FAM135B: variants seen among roughly 807,000 people sequenced by gnomAD.
The protein encoded by FAM135B is protein FAM135B.
A neutral mutation model predicts 127.7 loss-of-function variants in FAM135B; 43 were observed. The ratio of observed to expected loss-of-function variants is 0.34; its 90% CI spans 0.26 to 0.43. The LOEUF (loss-of-function observed/expected upper bound fraction) is 0.43. Among genes scored for constraint, FAM135B ranks in the 20% least tolerant of loss-of-function variants. The probability of loss-of-function intolerance (pLI) is 1.00; values close to 1 mark genes in which losing one functional copy is unlikely to be tolerated. For missense variants in FAM135B, 1,558 were observed against 1,725.6 expected (o/e 0.90, Z 1.72); for synonymous variants, 670 against 665.1 (o/e 1.01, Z -0.11).
intron 11 of FAM135B, among the ~76,000 whole-genome samples, chr8:138,176,613 T>C (rs925141847): frequency 6.6e-6 from 1 of 152,220 alleles, no homozygotes; most frequent in Non-Finnish European, 1.5e-5. Flanking sequence ...AGGATTCTAA[T>C]GAGAAAGGTG....
At chr8:138,207,448 G>T (rs1481296061) in intron 7 of FAM135B, among the ~76,000 whole-genome samples, 1 of 151,988 alleles carries the variant, frequency 6.6e-6, no homozygotes, top group African/African-American at 2.4e-5. Flanking sequence ...GACCTCAAAT[G>T]ATCTGCCCAC....
In FAM135B at chr8:138,341,287, C is replaced by T. The variant is rs143423895; in HGVS notation, c.77+26620G>A. Among the ~76,000 whole-genome samples, 295 of 152,278 alleles carry T rather than the reference C, an allele frequency of 1.9e-3. 1 individual carries two copies. The highest frequency in any genetic ancestry group is 6.8e-3 in the Middle Eastern group (2 of 294). On this transcript the variant is annotated intron_variant, in intron 2 of 19. Coordinates refer to ENST00000395297, the MANE Select transcript of FAM135B (RefSeq NM_015912.4). The stretch of plus-strand genomic sequence containing the variant: ...TAAATTAACCTTGAGGACATTGTTG[C>T]CAAGCAAAATAAGCCAGTCACAAAA...
At chr8:138,225,173 A>G (rs936768516) in intron 7 of FAM135B, among the ~76,000 whole-genome samples, 6 of 152,232 alleles carry the variant, frequency 3.9e-5, no homozygotes. Flanking sequence ...TATACAAAGT[A>G]TACATAGATC....
chr8:138,148,691 AG>A lies in FAM135B; in HGVS notation c.3282-6del. The A allele has an allele frequency of 6.3e-7, 1 of 1,595,290 alleles. No individual in the cohort carries two copies. Among genetic ancestry groups the A allele is most frequent in the Non-Finnish European group, 8.6e-7 (1 of 1,167,990 alleles). On this transcript the variant is annotated splice_polypyrimidine_tract_variant and splice_region_variant and intron_variant, in intron 13 of 19. Coordinates refer to ENST00000395297, the MANE Select transcript of FAM135B (RefSeq NM_015912.4). ...TTTTCTTTGGCCTGATAAAAACTGG[AG>A]AATACACTAATTAATCACAAGCCAA...
chr8:138,334,148 C>G (rs1178702813), intron 2 of FAM135B, among the ~76,000 whole-genome samples: 1 of 152,132 alleles, frequency 6.6e-6, no homozygotes, highest in Non-Finnish European at 1.5e-5. Context: ...GTCTCAAACT[C>G]CTGACCTCAG....
chr8:138,361,883 C>T (rs1330840236), intron 2 of FAM135B, among the ~76,000 whole-genome samples: 2 of 152,294 alleles, frequency 1.3e-5, no homozygotes, highest in Admixed American at 6.5e-5. Flanking sequence ...TGCATTCCTC[C>T]TTCTCTGTTT....
intron 1 of FAM135B, chr8:138,441,904 A>C (rs2131548862): frequency 6.6e-6 from 1 of 152,094 alleles, no homozygotes; most frequent in East Asian, 1.9e-4. Flanking sequence ...ATAAATAATT[A>C]CAGAGCAAAA....
intron 2 of FAM135B, among the ~76,000 whole-genome samples, chr8:138,363,927 T>C (rs956778021): frequency 1.3e-5 from 2 of 152,112 alleles, no homozygotes; most frequent in African/African-American, 4.8e-5. Flanking sequence ...AAGGGTACTC[T>C]CCCTCTCTTG....
chr8:138,188,135 C>A (rs1815755107), intron 9 of FAM135B, among the ~76,000 whole-genome samples: 1 of 152,208 alleles, frequency 6.6e-6, no homozygotes. Flanking sequence ...TCCTTGCAAA[C>A]CTCGCCCTGT....
At chr8:138,491,156 A>AAAAG (rs896604594) in intron 1 of FAM135B, among the ~76,000 whole-genome samples, 31 of 147,076 alleles carry the variant, frequency 2.1e-4, no homozygotes, top group African/African-American at 7.3e-4. Context: ...AAAAAAAAAA[A>AAAAG]AAAGAAAGAA....
At chr8:138,150,076 T>G (rs1480865596) in intron 13 of FAM135B, among the ~76,000 whole-genome samples, 1 of 152,184 alleles carries the variant, frequency 6.6e-6, no homozygotes, top group Non-Finnish European at 1.5e-5. Flanking sequence ...CTTTAGCATT[T>G]TGCAAAAGGG....
intron 1 of FAM135B, chr8:138,440,192 G>C (rs545583844): frequency 1.3e-5 from 2 of 152,252 alleles, no homozygotes; most frequent in East Asian, 1.9e-4. Flanking sequence ...TTCCAGGTGA[G>C]AGGTAGCTTC....
At chr8:138,245,631 C>T (rs923998763) in intron 6 of FAM135B, among the ~76,000 whole-genome samples, 7 of 152,164 alleles carry the variant, frequency 4.6e-5, no homozygotes, top group Non-Finnish European at 7.3e-5. Flanking sequence ...TTATTAATTA[C>T]CCAATCTTGG....
chr8:138,368,612 G>A (rs751777572), intron 1 of FAM135B, among the ~76,000 whole-genome samples: 1 of 152,140 alleles, frequency 6.6e-6, no homozygotes, highest in Non-Finnish European at 1.5e-5. Context: ...AAGATGGCTG[G>A]AGCAATATCA....
intron 1 of FAM135B, among the ~76,000 whole-genome samples, chr8:138,402,015 CTGTG>C (rs141960932): frequency 6.6e-6 from 1 of 151,386 alleles, no homozygotes; most frequent in Admixed American, 6.6e-5. Context: ...GTGTGTGTGT[CTGTG>C]TGTGTGTGTG....
chr8:138,362,665 T>C (rs76834927), intron 2 of FAM135B, among the ~76,000 whole-genome samples: 2,101 of 152,274 alleles, frequency 0.014, 48 homozygotes, highest in African/African-American at 0.048. Context: ...CGAGGATAAA[T>C]TGGATAATGT....
chr8:138,188,510 G>A (rs1015410789), intron 9 of FAM135B, among the ~76,000 whole-genome samples: 1 of 152,186 alleles, frequency 6.6e-6, no homozygotes, highest in African/African-American at 2.4e-5. Context: ...GTGTCAAAGT[G>A]TCTGTGGATA....
At chr8:138,296,625 C>A (rs1327552100) in intron 3 of FAM135B, among the ~76,000 whole-genome samples, 2 of 152,062 alleles carry the variant, frequency 1.3e-5, no homozygotes, top group African/African-American at 4.8e-5. Context: ...AGCTATGGAG[C>A]CTTAGATAAG....
chr8:138,436,363 C>T (rs559097858), intron 1 of FAM135B, among the ~76,000 whole-genome samples: 13 of 152,138 alleles, frequency 8.5e-5, no homozygotes, highest in Middle Eastern at 3.4e-3. Flanking sequence ...CAATGCATAG[C>T]GGCACTGTGA....
Sources: gnomAD v4.1 joint callset for allele counts (sites outside exome capture counted in the v4.1 genomes callset) on GRCh38, gnomAD v4.1.1 for gene constraint, MANE v1.5 for transcripts, NCBI Gene and HGNC (gene_info 2026-07-23, HGNC 2026-07-21) for gene names.